Variants in OR51B5 observed in about 807,000 individuals in gnomAD.
OR51B5 encodes olfactory receptor family 51 subfamily B member 5, also known as olfactory receptor 51B5.
For missense variants in OR51B5, 456 were observed against 374.6 expected (o/e 1.22, Z -1.79); for synonymous variants, 186 against 144.8 (o/e 1.28, Z -2.04).
rs1315334617 is a variant in OR51B5 at position 5,387,112 on chromosome 11, G to C, written n.85-40202C>G. On this transcript the variant is annotated intron_variant and non_coding_transcript_variant, in intron 1 of 4. Transcript: ENST00000415970. ...GATAATATAATGAATGAGAAGTTAA[G>C]GTGTTCAAGGACAGTAAACTGAATA... is the stretch of plus-strand genomic sequence containing the variant. Among the ~76,000 whole-genome samples the C allele has an allele frequency of 4.6e-5, 7 of 152,050 alleles. No homozygotes were observed. The East Asian group carries it at 1.2e-3, about 25-fold the overall frequency.
intron 1 of OR51B5, chr11:5,430,788 G>C (rs1196486502): frequency 2.2e-6 from 1 of 457,196 alleles, no homozygotes; most frequent in African/African-American, 2.0e-5. Flanking sequence ...TGTGGACAAT[G>C]GGAGAAGCAT....
intron 1 of OR51B5, chr11:5,453,477 G>C (rs1286484570): frequency 5.3e-6 from 8 of 1,508,680 alleles, no homozygotes. Flanking sequence ...AGTACCCTAA[G>C]TTTGTTTTGC....
intron 1 of OR51B5, among the ~76,000 whole-genome samples, chr11:5,354,526 C>T (rs1035299976): frequency 9.9e-5 from 15 of 152,108 alleles, no homozygotes; most frequent in Admixed American, 4.6e-4. Flanking sequence ...TGTGGAGTCC[C>T]GTGAAACAGA....
intron 1 of OR51B5, chr11:5,351,583 T>C (rs373748810): frequency 1.9e-5 from 30 of 1,614,032 alleles, no homozygotes; most frequent in Non-Finnish European, 2.4e-5. Context: ...TCACTGGATA[T>C]TCATCCCATT....
intron 1 of OR51B5, among the ~76,000 whole-genome samples, chr11:5,374,213 G>A (rs1361876538): frequency 2.6e-5 from 4 of 152,178 alleles, no homozygotes; most frequent in East Asian, 1.9e-4. Context: ...CTGATACCCA[G>A]GCAAACAGGG....
chr11:5,432,408 T>C (rs1850546429), intron 1 of OR51B5, among the ~76,000 whole-genome samples: 1 of 152,250 alleles, frequency 6.6e-6, no homozygotes, highest in African/African-American at 2.4e-5. Context: ...AACTTATTTA[T>C]ACTCTGATCC....
chr11:5,429,278 G>A (rs1369303929), intron 1 of OR51B5, among the ~76,000 whole-genome samples: 1 of 152,150 alleles, frequency 6.6e-6, no homozygotes, highest in African/African-American at 2.4e-5. Flanking sequence ...TGTGTGGCTA[G>A]TGTCAATAAA....
At chr11:5,379,999 A>AAAAT (rs1554885687) in intron 1 of OR51B5, among the ~76,000 whole-genome samples, 4 of 151,908 alleles carry the variant, frequency 2.6e-5, no homozygotes, top group African/African-American at 9.7e-5. Flanking sequence ...TAAAAAAAAA[A>AAAAT]AATAAGCTAC....
chr11:5,441,555 G>A, intron 1 of OR51B5: 1 of 1,461,500 alleles, frequency 6.8e-7, no homozygotes, highest in Middle Eastern at 2.1e-4. Flanking sequence ...AAGAGGGTGT[G>A]TTGGGAAACT....
chr11:5,424,280 G>A (rs1462769392), intron 1 of OR51B5, among the ~76,000 whole-genome samples: 1 of 152,096 alleles, frequency 6.6e-6, no homozygotes, highest in Non-Finnish European at 1.5e-5. Context: ...GATTAGGCTC[G>A]TAGACACATA....
chr11:5,386,694 G>C (rs555417774), intron 1 of OR51B5, among the ~76,000 whole-genome samples: 1 of 152,170 alleles, frequency 6.6e-6, no homozygotes, highest in Admixed American at 6.5e-5. Context: ...TTTGCATGTT[G>C]AATGACAGGT....
Position 5,450,770 on chromosome 11 carries a change from G to C in OR51B5, n.84+54799C>G, listed in dbSNP as rs563692354. On this transcript the variant is annotated intron_variant and non_coding_transcript_variant, in intron 1 of 4. Coordinates refer to the OR51B5 transcript ENST00000415970. Reference sequence around the variant, plus strand: ...TGATACTTCGAAGACCTTGGTAAGAGAGAAGAGAGTCACTGTTCAACTCCC... The same window carrying C: ...TGATACTTCGAAGACCTTGGTAAGACAGAAGAGAGTCACTGTTCAACTCCC... Among the ~76,000 whole-genome samples the C allele has an allele frequency of 2.4e-4, 36 of 152,306 alleles. No homozygotes were observed. The South Asian group carries it at 6.6e-3, about 28-fold the overall frequency.
intron 1 of OR51B5, among the ~76,000 whole-genome samples, chr11:5,476,817 C>A (rs1349875359): frequency 6.6e-6 from 1 of 152,004 alleles, no homozygotes; most frequent in Non-Finnish European, 1.5e-5. Flanking sequence ...TTACCTATAT[C>A]ATTAGCTTGC....
chr11:5,476,160 T>C (rs867580857), intron 1 of OR51B5, among the ~76,000 whole-genome samples: 37 of 152,366 alleles, frequency 2.4e-4, no homozygotes, highest in African/African-American at 8.4e-4. Context: ...ACAGTAATCA[T>C]GACATCTCAG....
At chr11:5,370,137 A>C (rs997769196) in intron 1 of OR51B5, among the ~76,000 whole-genome samples, 5 of 152,194 alleles carry the variant, frequency 3.3e-5, no homozygotes, top group African/African-American at 9.7e-5. Flanking sequence ...AGGTATATAA[A>C]TGCTAGAGGC....
chr11:5,436,319 T>C (rs540381508), intron 1 of OR51B5, among the ~76,000 whole-genome samples: 1 of 152,224 alleles, frequency 6.6e-6, no homozygotes, highest in East Asian at 1.9e-4. Context: ...TTCTGGGCAG[T>C]GAAGGTGTTC....
At chr11:5,342,719 A>C (rs779175780) in exon 1 of OR51B5, 38 of 1,613,730 alleles carry the variant, frequency 2.4e-5, no homozygotes. Context: ...GAGGTGAACA[A>C]TATGTGGAAC....
chr11:5,340,646 G>A (rs572558918), downstream of OR51B5: 3 of 152,124 alleles, frequency 2.0e-5, no homozygotes, highest in South Asian at 4.2e-4. Context: ...CAAGCATGAC[G>A]GAATACAAGG....
At chr11:5,341,382 G>T (rs938901466), downstream of OR51B5, 10 of 152,180 alleles carry the variant, frequency 6.6e-5, no homozygotes, top group Non-Finnish European at 2.9e-5. Context: ...GCAGAAACAT[G>T]AACAATGAGC....
Sources: allele counts gnomAD v4.1 joint callset (sites outside exome capture counted in the v4.1 genomes callset), GRCh38; gene constraint gnomAD v4.1.1; transcripts MANE v1.5; gene names NCBI Gene and HGNC (gene_info 2026-07-23, HGNC 2026-07-21).